The following PTPRM variants were observed in gnomAD, a reference collection of about 807,000 sequenced individuals.
PTPRM encodes receptor-type tyrosine-protein phosphatase mu.
A neutral mutation model predicts 186.7 loss-of-function variants in PTPRM; 47 were observed. The observed-to-expected ratio is 0.25, with a 90% CI of 0.20 to 0.32. The LOEUF (loss-of-function observed/expected upper bound fraction) is 0.32, where lower values mean the gene tolerates loss of function less well. Among genes scored for constraint, PTPRM ranks in the 10% least tolerant of loss-of-function variants. The probability of loss-of-function intolerance (pLI) is 1.00; values close to 1 mark genes in which losing one functional copy is unlikely to be tolerated. For missense variants in PTPRM, 1,494 were observed against 1,865.0 expected (o/e 0.80, Z 3.66); for synonymous variants, 668 against 674.9 (o/e 0.99, Z 0.16).
At chr18:8,302,905 T>TG (rs1213016686) in intron 20 of PTPRM, among the ~76,000 whole-genome samples, 1 of 151,970 alleles carries the variant, frequency 6.6e-6, no homozygotes, top group Non-Finnish European at 1.5e-5. Flanking sequence ...GAGTTTGATT[T>TG]GGGGACATAT....
At position 8,344,448 on chromosome 18, in the gene PTPRM, G is replaced by GTGTGTGTGTATATATATATA. The variant is rs1360655194; in HGVS notation, c.3054+929_3054+930insGTGTGTGTATATATATATAT. Among the ~76,000 whole-genome samples, 13 of 33,414 alleles carry GTGTGTGTGTATATATATATA rather than the reference G, an allele frequency of 3.9e-4. No homozygotes were observed. The South Asian group carries it at 8.1e-3, about 21-fold the overall frequency. The allele number at this position is 33,414 out of a possible 152,430, so 21.9% of individuals were successfully genotyped here. ...TATATATATGTGTGTGTGTGTGTGT[G>GTGTGTGTGTATATATATATA]TATATATATATATATATATATATAT... On this transcript the variant is annotated intron_variant, in intron 23 of 32. Coordinates refer to ENST00000580170, the MANE Select transcript of PTPRM (RefSeq NM_001105244.2).
intron 2 of PTPRM, among the ~76,000 whole-genome samples, chr18:7,784,874 A>G (rs7233842): frequency 0.11 from 16,966 of 152,158 alleles, 2,810 homozygotes; most frequent in African/African-American, 0.36. Context: ...GGGAAGCTCC[A>G]TTTGTCTGCT....
chr18:8,232,780 C>A (rs756846476), intron 14 of PTPRM, among the ~76,000 whole-genome samples: 1 of 152,056 alleles, frequency 6.6e-6, no homozygotes, highest in African/African-American at 2.4e-5. Context: ...AGAGGACGAA[C>A]GTGGGAATAG....
chr18:7,918,779 T>C (rs2050701515), intron 4 of PTPRM, among the ~76,000 whole-genome samples: 1 of 152,222 alleles, frequency 6.6e-6, no homozygotes, highest in Non-Finnish European at 1.5e-5. Context: ...TTTCCTTTGC[T>C]GTGTAGAAGC....
chr18:7,701,477 G>A (rs2039965725), intron 1 of PTPRM, among the ~76,000 whole-genome samples: 1 of 151,878 alleles, frequency 6.6e-6, no homozygotes, highest in South Asian at 2.1e-4. Flanking sequence ...GCGCGTGCGT[G>A]TAGTCCCAGC....
intron 1 of PTPRM, among the ~76,000 whole-genome samples, chr18:7,713,261 G>A (rs886258503): frequency 6.6e-5 from 10 of 152,098 alleles, no homozygotes; most frequent in Admixed American, 1.3e-4. Context: ...TTCATATCTA[G>A]CCAAACTAAG....
chr18:7,600,822 C>T (rs371814605), intron 1 of PTPRM, among the ~76,000 whole-genome samples: 4 of 152,204 alleles, frequency 2.6e-5, no homozygotes, highest in South Asian at 2.1e-4. Flanking sequence ...GAAGACGCTG[C>T]GCCCCTCAGT....
At chr18:7,608,058 C>G (rs775145365) in intron 1 of PTPRM, among the ~76,000 whole-genome samples, 1 of 152,146 alleles carries the variant, frequency 6.6e-6, no homozygotes, top group Non-Finnish European at 1.5e-5. Flanking sequence ...TTTCACTCCC[C>G]GGTCAGACAA....
intron 2 of PTPRM, among the ~76,000 whole-genome samples, chr18:7,834,613 T>C (rs1425409456): frequency 6.7e-6 from 1 of 150,346 alleles, no homozygotes; most frequent in Admixed American, 6.6e-5. Flanking sequence ...ACAGTCATAC[T>C]GACCTGAAAG....
chr18:8,336,164 G>C (rs868380387), intron 22 of PTPRM, among the ~76,000 whole-genome samples: 1 of 152,198 alleles, frequency 6.6e-6, no homozygotes, highest in Non-Finnish European at 1.5e-5. Flanking sequence ...ACAGGGAAGT[G>C]AGTTTCTGGA....
At position 7,732,621 on chromosome 18, in the gene PTPRM, C is replaced by T. The variant is rs8084888; in HGVS notation, c.74-41528C>T. Among the ~76,000 whole-genome samples, 1,433 of 152,212 alleles carry T rather than the reference C, an allele frequency of 9.4e-3. 34 individuals carry two copies. The highest frequency in any genetic ancestry group is 0.033 in the African/African-American group (1,369 of 41,526). On this transcript the variant is annotated intron_variant, in intron 1 of 32. Coordinates refer to ENST00000580170, the MANE Select transcript of PTPRM (RefSeq NM_001105244.2). ...TTCTGGTCTCAAGTGATCCTCCCACCTTGGTCTCATGAGTAGCTGGAACTA... is the reference window on the plus strand; with the variant it reads ...TTCTGGTCTCAAGTGATCCTCCCACTTTGGTCTCATGAGTAGCTGGAACTA...
chr18:7,927,561 C>T (rs974395540), intron 5 of PTPRM, among the ~76,000 whole-genome samples: 5 of 151,762 alleles, frequency 3.3e-5, no homozygotes, highest in African/African-American at 4.8e-5. Flanking sequence ...TCTGTGTACG[C>T]GGTTGTGCTC....
intron 1 of PTPRM, among the ~76,000 whole-genome samples, chr18:7,766,493 G>A (rs1303311746): frequency 6.6e-6 from 1 of 152,202 alleles, no homozygotes; most frequent in Non-Finnish European, 1.5e-5. Flanking sequence ...TGGCAGAGGA[G>A]TTACTATGGG....
At chr18:8,329,497 T>G (rs655800) in intron 22 of PTPRM, among the ~76,000 whole-genome samples, 97,582 of 152,096 alleles carry the variant, frequency 0.64, 31,580 homozygotes, top group Admixed American at 0.7. Flanking sequence ...TCTCTCAGGT[T>G]CAGCCCTTTA....
intron 2 of PTPRM, among the ~76,000 whole-genome samples, chr18:7,841,220 G>T (rs1313368386): frequency 6.8e-6 from 1 of 147,928 alleles, no homozygotes; most frequent in African/African-American, 2.5e-5. Context: ...TATAGGAATA[G>T]AATAGTTGTA....
At chr18:8,333,149 T>G (rs998023880) in intron 22 of PTPRM, among the ~76,000 whole-genome samples, 2 of 152,238 alleles carry the variant, frequency 1.3e-5, no homozygotes, top group African/African-American at 4.8e-5. Flanking sequence ...TGGGATATTC[T>G]TAGCAATTCG....
intron 1 of PTPRM, among the ~76,000 whole-genome samples, chr18:7,682,120 A>G (rs1429173033): frequency 6.6e-6 from 1 of 152,338 alleles, no homozygotes; most frequent in Non-Finnish European, 1.5e-5. Flanking sequence ...CTGCACAGCT[A>G]GTAAGTTGCA....
intron 1 of PTPRM, among the ~76,000 whole-genome samples, chr18:7,679,900 C>T (rs191812988): frequency 2.2e-4 from 33 of 152,058 alleles, no homozygotes; most frequent in Non-Finnish European, 3.7e-4. Flanking sequence ...AGATCTCACT[C>T]GGTCACTCAG....
At chr18:7,762,940 C>T (rs2041844420) in intron 1 of PTPRM, among the ~76,000 whole-genome samples, 1 of 152,168 alleles carries the variant, frequency 6.6e-6, no homozygotes, top group Admixed American at 6.5e-5. Context: ...ACATACACCT[C>T]TAAGTTCAAT....
Sources: allele counts gnomAD v4.1 joint callset (sites outside exome capture counted in the v4.1 genomes callset), GRCh38; gene constraint gnomAD v4.1.1; transcripts MANE v1.5; gene names NCBI Gene and HGNC (gene_info 2026-07-23, HGNC 2026-07-21).